The following VWA3A variants were observed in gnomAD, a reference collection of about 807,000 sequenced individuals.
VWA3A encodes von Willebrand factor A domain containing 3A, also known as von Willebrand factor A domain-containing protein 3A.
Under a neutral mutation model 160.4 loss-of-function variants are expected in VWA3A, and 134 were observed. The observed-to-expected ratio is 0.84, with a 90% CI of 0.73 to 0.96. VWA3A has a LOEUF of 0.96. VWA3A is among the 40% of genes least tolerant of loss of function. VWA3A has a pLI of 0.00. For synonymous variants in VWA3A, 476 were observed against 543.4 expected (o/e 0.88, Z 1.72); for missense variants, 1,310 against 1,447.9 (o/e 0.90, Z 1.55).
intron 15 of VWA3A, 116 bp from the exon 16 acceptor site, chr16:22,123,497 T>A: frequency 6.3e-7 from 1 of 1,596,654 alleles, no homozygotes; most frequent in South Asian, 1.1e-5. Flanking sequence ...CTGCCTGGAT[T>A]CCCAGGGACT....
chr16:22,143,471 C>T (rs1355507354), intron 25 of VWA3A, among the ~76,000 whole-genome samples: 1 of 152,172 alleles, frequency 6.6e-6, no homozygotes, highest in Non-Finnish European at 1.5e-5. Flanking sequence ...CAGATGCCAT[C>T]CCTGGCTGCT....
rs776374263 is a variant in VWA3A at position 22,110,896 on chromosome 16, C to G, written c.591C>G (p.Ile197Met). 6.2e-7 allele frequency: 1 copy of G among 1,605,958 alleles called. No individual in the cohort carries two copies. The highest frequency in any genetic ancestry group is 8.5e-7 in the Non-Finnish European group (1 of 1,176,460). Residue 197 changes from isoleucine to methionine, a missense_variant, in exon 8 of 34, where the codon ATC (isoleucine) becomes ATG (methionine). Physicochemically the swap from Ile to Met is conservative, Grantham distance 10. Transcript: ENST00000389398. The part of the protein sequence containing the change: ...EEFQKDLMSL[I>M]DEQLSHKEKL... The stretch of plus-strand genomic sequence containing the variant: ...GTCCTTTTGTCCAACAGAGCCTCAT[C>G]GATGAGCAGCTGAGCCACAAGGAGA...
chr16:22,101,729 C>T (rs192349628), intron 5 of VWA3A, among the ~76,000 whole-genome samples: 151 of 152,316 alleles, frequency 9.9e-4, no homozygotes, highest in Admixed American at 2.3e-3. Context: ...AACCATTTAA[C>T]TGTAGAATTT....
chr16:22,129,898 T>C (rs532049107), intron 17 of VWA3A, among the ~76,000 whole-genome samples: 1 of 152,040 alleles, frequency 6.6e-6, no homozygotes, highest in East Asian at 1.9e-4. Flanking sequence ...TCTAAAGGAG[T>C]ACCTGAAGGT....
chr16:22,101,124 G>A (rs949060052), intron 5 of VWA3A, among the ~76,000 whole-genome samples: 2 of 152,040 alleles, frequency 1.3e-5, no homozygotes, highest in Non-Finnish European at 2.9e-5. Flanking sequence ...AGGCATGGTG[G>A]TCCATGCCTA....
At chr16:22,155,432 A>G (rs2046423432) in intron 31 of VWA3A, 135 bp from the exon 32 acceptor site, 1 of 742,854 alleles carries the variant, frequency 1.3e-6, no homozygotes, top group East Asian at 2.5e-5. Context: ...CTGGAGATAT[A>G]CAAGCAGAGG....
chr16:22,097,028 C>T, intron 2 of VWA3A, 83 bp downstream of exon 2: 8 of 873,858 alleles, frequency 9.2e-6, no homozygotes, highest in Non-Finnish European at 1.4e-5. Flanking sequence ...TGCAGTGGCA[C>T]AATCTAGGCT....
In VWA3A at chr16:22,115,391, G is replaced by T; in HGVS notation, c.734G>T (p.Gly245Val). 6.2e-7 allele frequency: 1 copy of T among 1,602,334 alleles called. No homozygotes were observed. Among genetic ancestry groups the T allele is most frequent in the South Asian group, 1.1e-5 (1 of 88,566 alleles). The change falls in exon 9 of 34, where the codon GGA (glycine) becomes GTA (valine). Residue 245 changes from glycine (G) to valine (V), a missense_variant. Coordinates refer to ENST00000389398, the MANE Select transcript of VWA3A (RefSeq NM_173615.5). Reference protein sequence around the residue: ...KLWVKTLQPDGGSNLLQALKK... With the variant: ...KLWVKTLQPDVGSNLLQALKK... ...TGGGTAAAGACGCTGCAGCCTGATG[G>T]AGGCAGCAACCTGCTACAAGCTCTG...
At chr16:22,099,894 C>T (rs2045381521) in intron 3 of VWA3A, among the ~76,000 whole-genome samples, 1 of 152,004 alleles carries the variant, frequency 6.6e-6, no homozygotes, top group South Asian at 2.1e-4. Context: ...GGCCAAAATG[C>T]CAAAACCCTG....
intron 6 of VWA3A, among the ~76,000 whole-genome samples, chr16:22,105,789 C>A (rs1363157235): frequency 1.3e-5 from 2 of 152,182 alleles, no homozygotes; most frequent in Non-Finnish European, 2.9e-5. Flanking sequence ...GCCCTCATGG[C>A]AGCTTGTTTT....
intron 8 of VWA3A, among the ~76,000 whole-genome samples, chr16:22,111,299 G>A (rs2045548898): frequency 6.6e-6 from 1 of 151,894 alleles, no homozygotes; most frequent in South Asian, 2.1e-4. Flanking sequence ...ATGAAAGGAT[G>A]ATAAATAATA....
intron 16 of VWA3A, among the ~76,000 whole-genome samples, chr16:22,125,834 T>G (rs2045838523): frequency 6.6e-6 from 1 of 152,232 alleles, no homozygotes; most frequent in South Asian, 2.1e-4. Flanking sequence ...GCAATATACA[T>G]ATATATTTTT....
In VWA3A at chr16:22,152,388, G is replaced by A. The variant is rs150715268; in HGVS notation, c.3282-123G>A. 5.8e-4 allele frequency: 757 copies of A among 1,303,722 alleles called. 15 individuals are homozygous for A. In the East Asian group the frequency reaches 0.011, roughly 18 times the overall value. The allele number at this position is 1,303,722 out of a possible 1,614,324, so 80.8% of individuals were successfully genotyped here. ...TGGTGGTCTCCATGGGACAAGCCAC[G>A]GCCCATTGCCAGGCTGATTTCTCTT... On this transcript the variant is annotated intron_variant, in intron 30 of 33. Coordinates refer to ENST00000389398, the MANE Select transcript of VWA3A (RefSeq NM_173615.5).
intron 27 of VWA3A, among the ~76,000 whole-genome samples, 196 bp from the exon 28 acceptor site, chr16:22,147,966 C>A (rs1309307594): frequency 6.6e-6 from 1 of 152,140 alleles, no homozygotes; most frequent in Non-Finnish European, 1.5e-5. Context: ...AACCACTGAC[C>A]AGGTCTGTCC....
Position 22,139,595 on chromosome 16 carries a change from G to A in VWA3A, c.2293-559G>A, listed in dbSNP as rs566837671. Among the ~76,000 whole-genome samples the A allele has an allele frequency of 3.3e-5, 5 of 152,250 alleles. No individual in the cohort carries two copies. In the South Asian group the frequency reaches 1.0e-3, roughly 32 times the overall value. On this transcript the variant is annotated intron_variant, in intron 22 of 33. Transcript: ENST00000389398. The stretch of plus-strand genomic sequence containing the variant: ...TGTAATCCCAGCTACTCGGGAAGCT[G>A]AGACAGGGAGAATTGCTTGAACCTG...
chr16:22,118,950 G>T lies in VWA3A; in HGVS notation c.1039G>T (p.Ala347Ser). Reference protein sequence around the residue: ...MDELLAEIQKAQSLLSHVQAL... With the variant: ...MDELLAEIQKSQSLLSHVQAL... The stretch of plus-strand genomic sequence containing the variant: ...TGAGCTCCTGGCAGAAATTCAGAAG[G>T]CCCAGAGCCTCCTCAGCCACGTGCA... Residue 347 changes from alanine to serine, a missense_variant, in exon 12 of 34, where the codon GCC becomes TCC. By Grantham distance (99) the Ala-to-Ser change is moderately conservative. Coordinates refer to ENST00000389398, the MANE Select transcript of VWA3A (RefSeq NM_173615.5). The T allele has an allele frequency of 6.2e-7, 1 of 1,613,902 alleles. No individual in the cohort carries two copies. Among genetic ancestry groups the T allele is most frequent in the Non-Finnish European group, 8.5e-7 (1 of 1,179,862 alleles).
At chr16:22,115,953 G>GGGGA (rs1209330216) in intron 9 of VWA3A, among the ~76,000 whole-genome samples, 3 of 94,708 alleles carry the variant, frequency 3.2e-5, no homozygotes, top group Admixed American at 2.0e-4. Flanking sequence ...AGGAGGGGGT[G>GGGGA]GGGAGGGAGG....
At chr16:22,119,881 G>A (rs1422456288) in intron 12 of VWA3A, among the ~76,000 whole-genome samples, 1 of 151,912 alleles carries the variant, frequency 6.6e-6, no homozygotes, top group Non-Finnish European at 1.5e-5. Context: ...AGCGAGGCAT[G>A]GTGGCAGGCA....
intron 1 of VWA3A, among the ~76,000 whole-genome samples, chr16:22,094,899 G>A (rs909797666): frequency 4.0e-5 from 6 of 151,518 alleles, no homozygotes; most frequent in Admixed American, 3.3e-4. Flanking sequence ...CCTGGGAGGT[G>A]GAGATTGCAG....
Sources: allele counts gnomAD v4.1 joint callset (sites outside exome capture counted in the v4.1 genomes callset), GRCh38; gene constraint gnomAD v4.1.1; transcripts MANE v1.5; gene names NCBI Gene and HGNC (gene_info 2026-07-23, HGNC 2026-07-21).